Variants in SPATS2 observed in about 807,000 individuals in gnomAD.
SPATS2 encodes the protein spermatogenesis associated serine rich 2.
In SPATS2, 38 loss-of-function variants were observed where a neutral mutation model predicts 63.7. The ratio of observed to expected loss-of-function variants is 0.60; its 90% CI spans 0.46 to 0.78. The LOEUF is 0.78. SPATS2 is among the 30% of genes least tolerant of loss of function. The pLI is 0.00. For synonymous variants in SPATS2, 207 were observed against 232.9 expected (o/e 0.89, Z 1.01); for missense variants, 588 against 666.2 (o/e 0.88, Z 1.29).
chr12:49,421,416 C>CAA lies in SPATS2; in HGVS notation c.-243-39328_-243-39327dup, dbSNP rs71080195. Among the ~76,000 whole-genome samples the CAA allele has an allele frequency of 3.7e-3, 191 of 52,110 alleles. 10 individuals are homozygous for CAA. The highest frequency in any genetic ancestry group is 0.024 in the Middle Eastern group (1 of 42). 34.2% of individuals were successfully genotyped at this position (52,110 alleles called of 152,430 possible). ...TGGGCAACAGAGCAAGACTTTGTCTCAAAAAAAAAAAAAAAAAAAAAAAAA... is the reference window on the plus strand; with the variant it reads ...TGGGCAACAGAGCAAGACTTTGTCTCAAAAAAAAAAAAAAAAAAAAAAAAAAA... On this transcript the variant is annotated intron_variant, in intron 2 of 13. Transcript: ENST00000552918.
intron 2 of SPATS2, among the ~76,000 whole-genome samples, chr12:49,456,957 C>T (rs984770202): frequency 1.3e-5 from 2 of 151,700 alleles, no homozygotes; most frequent in East Asian, 1.9e-4. Flanking sequence ...TCATTGCATT[C>T]ATTCTATTTT....
intron 4 of SPATS2, among the ~76,000 whole-genome samples, chr12:49,485,157 C>G (rs1946268074): frequency 6.6e-6 from 1 of 150,638 alleles, no homozygotes. Context: ...GCTCTGCCTT[C>G]CGGGTTCGCG....
In SPATS2 at chr12:49,500,189, G is replaced by T; in HGVS notation, c.823G>T (p.Ala275Ser). 6.2e-7 allele frequency: 1 copy of T among 1,601,990 alleles called. No individual in the cohort carries two copies. The highest frequency in any genetic ancestry group is 8.5e-7 in the Non-Finnish European group (1 of 1,176,706). Residue 275 changes from alanine (A) to serine (S), a missense_variant, in exon 9 of 14, where the codon GCT (alanine) becomes TCT (serine). Coordinates refer to ENST00000552918, the MANE Select transcript of SPATS2 (RefSeq NM_023071.4). ...CATTAAGAAAATGAAACAAGCCTTTGCTGAATTGGAGAGCTGGTAATTTAA... is the reference window on the plus strand; with the variant it reads ...CATTAAGAAAATGAAACAAGCCTTTTCTGAATTGGAGAGCTGGTAATTTAA... ...ASIKKMKQAF[A>S]ELESCLMDRE...
chr12:49,474,839 A>G (rs1220111351), intron 3 of SPATS2, among the ~76,000 whole-genome samples: 3 of 152,182 alleles, frequency 2.0e-5, no homozygotes, highest in Non-Finnish European at 4.4e-5. Context: ...CGATTTACAA[A>G]AGAAAGAGGT....
intron 4 of SPATS2, among the ~76,000 whole-genome samples, chr12:49,489,172 T>C (rs1592450088): frequency 6.6e-6 from 1 of 152,250 alleles, no homozygotes; most frequent in African/African-American, 2.4e-5. Flanking sequence ...GATGCCACAT[T>C]AATACCTGAT....
At chr12:49,396,116 AC>A (rs1412357243) in intron 2 of SPATS2, among the ~76,000 whole-genome samples, 4 of 152,200 alleles carry the variant, frequency 2.6e-5, no homozygotes, top group Non-Finnish European at 4.4e-5. Flanking sequence ...GTATGTGTAT[AC>A]TATATTTTCT....
chr12:49,506,989 G>C (rs1946665011), intron 9 of SPATS2, among the ~76,000 whole-genome samples: 2 of 152,176 alleles, frequency 1.3e-5, no homozygotes, highest in African/African-American at 4.8e-5. Context: ...AAGGAACTTA[G>C]TCATTATGAA....
chr12:49,506,481 C>T (rs1946656300), intron 9 of SPATS2, among the ~76,000 whole-genome samples: 2 of 152,156 alleles, frequency 1.3e-5, no homozygotes, highest in Non-Finnish European at 2.9e-5. Flanking sequence ...AGACCTACTA[C>T]CACAAAAACA....
intron 3 of SPATS2, among the ~76,000 whole-genome samples, chr12:49,473,647 C>T (rs1237251410): frequency 1.3e-5 from 2 of 152,132 alleles, no homozygotes; most frequent in African/African-American, 2.4e-5. Flanking sequence ...TGGAAGCAAC[C>T]CAGTTGCCCA....
chr12:49,469,389 C>CAAAA (rs779364300), intron 3 of SPATS2: 60 of 69,170 alleles, frequency 8.7e-4, no homozygotes, highest in South Asian at 1.4e-3. Context: ...GACTCTGTCT[C>CAAAA]AAAAAAAAAA....
intron 2 of SPATS2, among the ~76,000 whole-genome samples, chr12:49,414,181 C>G (rs1285284305): frequency 1.3e-5 from 2 of 152,136 alleles, no homozygotes; most frequent in African/African-American, 4.8e-5. Flanking sequence ...ATAAAATTCT[C>G]TTTAAAACTT....
chr12:49,403,642 A>ACACACACACAC (rs1555180281), intron 2 of SPATS2, among the ~76,000 whole-genome samples: 21 of 117,990 alleles, frequency 1.8e-4, no homozygotes, highest in African/African-American at 6.0e-4. Flanking sequence ...CACACACACA[A>ACACACACACAC]ACAAAACTGG....
intron 1 of SPATS2, among the ~76,000 whole-genome samples, chr12:49,370,012 G>T (rs571545635): frequency 6.6e-6 from 1 of 152,310 alleles, no homozygotes; most frequent in African/African-American, 2.4e-5. Flanking sequence ...CCTGAGGGAG[G>T]AGCCACAGGT....
intron 2 of SPATS2, among the ~76,000 whole-genome samples, chr12:49,436,929 C>T (rs1399942527): frequency 3.5e-5 from 5 of 140,962 alleles, no homozygotes; most frequent in Admixed American, 2.1e-4. Context: ...CCACCTCCCT[C>T]CCGGATGGGG....
chr12:49,387,638 CAAAAAAAAA>C (rs35910147), intron 2 of SPATS2, among the ~76,000 whole-genome samples: 1 of 66,176 alleles, frequency 1.5e-5, no homozygotes, highest in African/African-American at 5.0e-5. Context: ...GACTCTGTCT[CAAAAAAAAA>C]AAAAAAAAAA....
intron 9 of SPATS2, among the ~76,000 whole-genome samples, chr12:49,500,792 A>G (rs1946553807): frequency 6.6e-6 from 1 of 152,110 alleles, no homozygotes; most frequent in African/African-American, 2.4e-5. Flanking sequence ...AAGAAAAAAA[A>G]AAGTCTCCTT....
chr12:49,437,585 G>T, intron 2 of SPATS2, among the ~76,000 whole-genome samples: 1 of 151,984 alleles, frequency 6.6e-6, no homozygotes, highest in South Asian at 2.1e-4. Flanking sequence ...CCGGCACCTC[G>T]GGAGGCCAAG....
At chr12:49,384,950 C>G (rs1008860133) in intron 2 of SPATS2, among the ~76,000 whole-genome samples, 1 of 152,032 alleles carries the variant, frequency 6.6e-6, no homozygotes, top group African/African-American at 2.4e-5. Context: ...GCTGGGATTA[C>G]AGGTGTGCGC....
At chr12:49,519,762 T>G (rs1364903251) in intron 11 of SPATS2, among the ~76,000 whole-genome samples, 2 of 151,902 alleles carry the variant, frequency 1.3e-5, no homozygotes, top group Non-Finnish European at 2.9e-5. Context: ...ACACACCTGC[T>G]TTTCCATCTG....
Sources: gnomAD v4.1 joint callset for allele counts (sites outside exome capture counted in the v4.1 genomes callset) on GRCh38, gnomAD v4.1.1 for gene constraint, MANE v1.5 for transcripts, NCBI Gene and HGNC (gene_info 2026-07-23, HGNC 2026-07-21) for gene names.